TTN: variants seen among roughly 807,000 people sequenced by gnomAD.
TTN encodes titin, also known as connectin.
A neutral mutation model predicts 3,223.0 loss-of-function variants in TTN; 1,525 were observed. That is an observed-to-expected ratio of 0.47 (90% CI 0.45 to 0.49). The LOEUF (loss-of-function observed/expected upper bound fraction) is 0.49. Ranked by LOEUF, TTN falls within the 20% of genes least tolerant of loss-of-function variation. TTN has a pLI of 0.00. For synonymous variants in TTN, 14,094 were observed against 15,161.0 expected, an observed-to-expected ratio of 0.93 and a Z score of 5.17; for missense variants, 40,786 against 43,424.0, an observed-to-expected ratio of 0.94 and a Z score of 5.40.
rs1397967170 is a variant in TTN, at chr2:178,572,536, A to C, written c.73596T>G (p.Thr24532=). Residue 24532 remains threonine (T), a synonymous_variant, in exon 326 of 363, where the codon ACT becomes ACG. Coordinates refer to ENST00000589042, the MANE Select transcript of TTN (RefSeq NM_001267550.2). ...PPQDLKVKEV[T]KTSVTLTWDP... ...CCCATGTGAGTGTGACAGATGTCTT[A>C]GTGACCTCTTTTACCTTCAGATCCT... The C allele has an allele frequency of 6.2e-7, 1 of 1,613,444 alleles. No individual in the cohort carries two copies. Among genetic ancestry groups the C allele is most frequent in the Admixed American group, 1.7e-5 (1 of 59,984 alleles).
chr2:178,764,916 C>G, intron 41 of TTN, 105 bp from the exon 42 acceptor site: 1 of 1,369,324 alleles, frequency 7.3e-7, no homozygotes, highest in South Asian at 1.3e-5. Context: ...CATCCAGAGA[C>G]AAAATTTTGG....
At chr2:178,702,948 T>C (rs1036623529) in intron 106 of TTN, among the ~76,000 whole-genome samples, 15 of 152,224 alleles carry the variant, frequency 9.9e-5, no homozygotes, top group African/African-American at 3.6e-4. Context: ...AGAGAGCTAA[T>C]GACCCAAAGT....
chr2:178,749,050 G>A, intron 47 of TTN: 2 of 1,612,650 alleles, frequency 1.2e-6, no homozygotes, highest in South Asian at 2.2e-5. Flanking sequence ...TCCCCGGGTA[G>A]TGTATCTCTT....
Position 178,567,969 on chromosome 2 carries a change from G to T in TTN, c.78163C>A (p.Leu26055Ile), listed in dbSNP as rs765696931. 6.2e-7 allele frequency: 1 copy of T among 1,613,488 alleles called. No homozygotes were observed. Among genetic ancestry groups the T allele is most frequent in the South Asian group, 1.1e-5 (1 of 91,066 alleles). The change falls in exon 326 of 363, where the codon CTT (leucine) becomes ATT (isoleucine). Residue 26055 changes from leucine (L) to isoleucine (I), a missense_variant. By Grantham distance (5) the Leu-to-Ile change is conservative (BLOSUM62 2). Coordinates refer to ENST00000589042, the MANE Select transcript of TTN (RefSeq NM_001267550.2). ...IHDTQFKAQN[L>I]EEGIEYEFRV... ...AATTCATATTCAATGCCTTCTTCAAGATTCTGTGCTTTGAATTGGGTGTCA... is the reference window on the plus strand; with the variant it reads ...AATTCATATTCAATGCCTTCTTCAATATTCTGTGCTTTGAATTGGGTGTCA...
chr2:178,573,451 T>C lies in TTN; in HGVS notation c.72681A>G (p.Lys24227=). The change falls in exon 326 of 363, where the codon AAA becomes AAG. Residue 24227 remains lysine, a synonymous_variant. Transcript: ENST00000589042. ...TAGTAATAGTTGTCACTTCAGGGTT[T>C]TTGGGCGGATCAGGGGGTCCATAAG... ...VNPYGPPDPP[K]NPEVTTITKD... is the part of the protein sequence containing the mutation. The C allele has an allele frequency of 6.6e-7, 1 of 1,516,674 alleles. No individual in the cohort carries two copies. The highest frequency in any genetic ancestry group is 8.8e-7 in the Non-Finnish European group (1 of 1,135,684). 94.0% of individuals were successfully genotyped at this position (1,516,674 alleles called of 1,614,324 possible).
At chr2:178,793,187 T>C (rs1574905550) in intron 9 of TTN, among the ~76,000 whole-genome samples, 1 of 152,220 alleles carries the variant, frequency 6.6e-6, no homozygotes, top group South Asian at 2.1e-4. Context: ...TGGTGTATGT[T>C]CACAGAGTTC....
At chr2:178,745,226 CT>C in intron 47 of TTN, 3 of 1,073,646 alleles carry the variant, frequency 2.8e-6, no homozygotes, top group Non-Finnish European at 3.4e-6. Context: ...TTACATTGTA[CT>C]TTTGCATATA....
Position 178,576,104 on chromosome 2 carries a change from T to G in TTN, c.70028A>C (p.Asp23343Ala), listed in dbSNP as rs1349475003. Residue 23343 changes from aspartate to alanine, a missense_variant, in exon 326 of 363, where the codon GAT becomes GCT. Physicochemically the swap from Asp to Ala is moderately radical, Grantham distance 126. Coordinates refer to ENST00000589042, the MANE Select transcript of TTN (RefSeq NM_001267550.2). This position sits in a 1 kb window ranked among gnomAD's most constrained non-coding sequence, Gnocchi z 4.3. ...VEIVEREMAP[D>A]FELDAELRRT... ...TCGAAGCTCGGCATCTAGTTCAAAA[T>G]CAGGAGCCATCTCCCGTTCTACGAT... 5.6e-6 allele frequency: 9 copies of G among 1,613,478 alleles called. No homozygotes were observed. The highest frequency in any genetic ancestry group is 7.6e-6 in the Non-Finnish European group (9 of 1,179,592).
chr2:178,760,254 A>G (rs909294895), intron 43 of TTN, among the ~76,000 whole-genome samples: 2 of 152,204 alleles, frequency 1.3e-5, no homozygotes, highest in Non-Finnish European at 2.9e-5. Flanking sequence ...AATCCTGGCC[A>G]GGCGCGGTGC....
rs770403361 is a variant in TTN, at chr2:178,537,604, T to G, written c.99603A>C (p.Pro33201=). 6.2e-7 allele frequency: 1 copy of G among 1,613,646 alleles called. No homozygotes were observed. Among genetic ancestry groups the G allele is most frequent in the Non-Finnish European group, 8.5e-7 (1 of 1,179,674 alleles). ...CAGCTCCATAATATTTCTCTTTCAGTGGGTAACCAGGATGGAACTGCGGTG... is the reference window on the plus strand; with the variant it reads ...CAGCTCCATAATATTTCTCTTTCAGGGGGTAACCAGGATGGAACTGCGGTG... ...QATPQFHPGY[P]LKEKYYGAVG... Residue 33201 remains proline (P), a synonymous_variant, in exon 355 of 363, where the codon CCA becomes CCC. Coordinates refer to ENST00000589042, the MANE Select transcript of TTN (RefSeq NM_001267550.2).
chr2:178,750,860 G>C, intron 47 of TTN: 1 of 1,612,900 alleles, frequency 6.2e-7, no homozygotes, highest in Non-Finnish European at 8.5e-7. Flanking sequence ...CTCTCCAATT[G>C]TAGTATTGGC....
Position 178,550,117 on chromosome 2 carries a change from T to A in TTN, c.91721A>T (p.Glu30574Val), listed in dbSNP as rs1308285808. The stretch of plus-strand genomic sequence containing the variant: ...GGTGGATCCAAGTACGTCGGTTATT[T>A]CCATATTCATCCTCTTTTCGATTTC... ...GVEIEKRMNM[E>V]ITDVLGSTSL... is the part of the protein sequence containing the mutation. The change falls in exon 337 of 363, where the codon GAA becomes GTA. Residue 30574 changes from glutamate to valine, a missense_variant. By Grantham distance (121) the Glu-to-Val change is moderately radical. Transcript: ENST00000589042. 1.9e-6 allele frequency: 3 copies of A among 1,613,824 alleles called. No individual in the cohort carries two copies.
Position 178,553,846 on chromosome 2 carries a change from T to C in TTN, c.89198-39A>G, listed in dbSNP as rs1700284543. The C allele has an allele frequency of 3.8e-6, 6 of 1,563,006 alleles. No individual in the cohort carries two copies. The East Asian group carries it at 1.1e-4, about 29-fold the overall frequency. ...TCACAATAAAATAATTACACAATCA[T>C]GTACAATTTAGTCACACAGGTGAAT... is the stretch of plus-strand genomic sequence containing the variant. On this transcript the variant is annotated intron_variant, in intron 333 of 362. Coordinates refer to ENST00000589042, the MANE Select transcript of TTN (RefSeq NM_001267550.2).
intron 223 of TTN, 130 bp downstream of exon 223, chr2:178,639,569 A>G: frequency 1.1e-6 from 1 of 938,972 alleles, no homozygotes; most frequent in South Asian, 1.4e-5. Context: ...GTAGAAACTT[A>G]CCATAAACCT....
Position 178,528,538 on chromosome 2 carries a change from T to C in TTN, c.107213A>G (p.Asn35738Ser), listed in dbSNP as rs774996138. 12 of 1,607,936 alleles carry C rather than the reference T, an allele frequency of 7.5e-6. No homozygotes were observed. The South Asian group carries it at 1.3e-4, about 18-fold the overall frequency. The change falls in exon 360 of 363, where the codon AAC (asparagine) becomes AGC (serine). Residue 35738 changes from asparagine (N) to serine (S), a missense_variant. Physicochemically the swap from Asn to Ser is conservative, Grantham distance 46. Transcript: ENST00000589042. ...EPSPEIEWFK[N>S]NLPISISSNV... ...CATAATTAAACTTACTGGCAGGTTG[T>C]TTTTAAACCATTCGATTTCAGGGGA...
chr2:178,698,851 G>A lies in TTN; in HGVS notation c.30746C>T (p.Pro10249Leu), dbSNP rs757573557. ...KVVAKPKEMT[P>L]REEIVKKPPP... ...TTGATTAATTATAATACCTTCACGT[G>A]GTGTCATCTCTTTGGGCTTTGCAAC... Residue 10249 changes from proline to leucine, a missense_variant, in exon 112 of 363, where the codon CCA (proline) becomes CTA (leucine). Coordinates refer to ENST00000589042, the MANE Select transcript of TTN (RefSeq NM_001267550.2). 6.5e-7 allele frequency: 1 copy of A among 1,544,830 alleles called. No individual in the cohort carries two copies. The highest frequency in any genetic ancestry group is 1.2e-5 in the South Asian group (1 of 81,844).
intron 218 of TTN, among the ~76,000 whole-genome samples, chr2:178,644,038 TG>T (rs1249417924): frequency 1.3e-5 from 2 of 151,980 alleles, no homozygotes; most frequent in Non-Finnish European, 2.9e-5. Context: ...TTTTCTGAAA[TG>T]TGAGTTCCGT....
At chr2:178,621,024 G>T in intron 246 of TTN, 31 bp from the exon 247 acceptor site, 1 of 1,605,568 alleles carries the variant, frequency 6.2e-7, no homozygotes, top group South Asian at 1.1e-5. Context: ...TTTATAGTAT[G>T]AATAATGATC....
intron 48 of TTN, 57 bp from the exon 49 acceptor site, chr2:178,738,417 TG>T: frequency 6.6e-7 from 1 of 1,520,972 alleles, no homozygotes; most frequent in Non-Finnish European, 8.8e-7. Flanking sequence ...ATGACATTTT[TG>T]TTTTTCTTCT....
Sources: allele counts gnomAD v4.1 joint callset (sites outside exome capture counted in the v4.1 genomes callset), GRCh38; gene constraint gnomAD v4.1.1; non-coding constraint Gnocchi (gnomAD v3.1); transcripts MANE v1.5; gene names NCBI Gene and HGNC (gene_info 2026-07-23, HGNC 2026-07-21).